Variants in NEMP2 observed in about 807,000 individuals in gnomAD.
NEMP2 encodes the protein UPF0571 transmembrane protein.
Under a neutral mutation model 54.2 loss-of-function variants are expected in NEMP2, and 53 were observed. The observed-to-expected ratio is 0.98, with a 90% CI of 0.78 to 1.23. NEMP2 has a LOEUF of 1.23. Ranked by LOEUF, NEMP2 falls within the 50% of genes most tolerant of loss-of-function variation. The pLI is 0.00. For missense variants in NEMP2, 455 were observed against 511.3 expected, an observed-to-expected ratio of 0.89 and a Z score of 1.06; for synonymous variants, 197 against 190.3, an observed-to-expected ratio of 1.04 and a Z score of -0.29.
the NEMP2 span, among the ~76,000 whole-genome samples, chr2:190,540,597 C>G: frequency 6.6e-6 from 1 of 152,142 alleles, no homozygotes; most frequent in Non-Finnish European, 1.5e-5. Flanking sequence ...ACCCAGCATG[C>G]ATGATCTTTA....
At chr2:190,550,958 T>G in the NEMP2 span, among the ~76,000 whole-genome samples, 1 of 152,216 alleles carries the variant, frequency 6.6e-6, no homozygotes, top group African/African-American at 2.4e-5. This position sits in a 1 kb window ranked among gnomAD's most constrained non-coding sequence, Gnocchi z 4.7. Flanking sequence ...TTGTATTCCT[T>G]GAGTCTCTTT....
the NEMP2 span, among the ~76,000 whole-genome samples, chr2:190,574,463 A>G: frequency 6.6e-6 from 1 of 152,218 alleles, no homozygotes; most frequent in African/African-American, 2.4e-5. Flanking sequence ...TAATGGATTT[A>G]TTGAGATATA....
the NEMP2 span, among the ~76,000 whole-genome samples, chr2:190,460,257 G>C: frequency 6.6e-6 from 1 of 152,092 alleles, no homozygotes; most frequent in Admixed American, 6.6e-5. Flanking sequence ...TTCAACCATA[G>C]CCTATTAATG....
At chr2:190,516,820 G>T (rs1485109954) in intron 5 of NEMP2, among the ~76,000 whole-genome samples, 1 of 152,186 alleles carries the variant, frequency 6.6e-6, no homozygotes, top group African/African-American at 2.4e-5. Flanking sequence ...GCCGGGCACG[G>T]TGGCTCACGC....
the NEMP2 span, among the ~76,000 whole-genome samples, chr2:190,643,023 G>GTTTTTTTTTTTTTTTTTTTTTTTTTTT: frequency 6.3e-5 from 5 of 79,566 alleles, 2 homozygotes; most frequent in Non-Finnish European, 2.3e-5. Flanking sequence ...AATGGTTAAG[G>GTTTTTTTTTTTTTTTTTTTTTTTTTTT]TTTTTTTTTT....
At chr2:190,437,228 A>C in the NEMP2 span, 1 of 1,614,264 alleles carries the variant, frequency 6.2e-7, no homozygotes, top group East Asian at 2.2e-5. This position sits in a 1 kb window ranked among gnomAD's most constrained non-coding sequence, Gnocchi z 5.9. Context: ...AAAAACGATG[A>C]TTCTAAAGGG....
At position 190,510,387 on chromosome 2, in the gene NEMP2, GA is replaced by G; in HGVS notation, c.1103del (p.Val368AlafsTer57). The G allele has an allele frequency of 6.4e-7, 1 of 1,551,682 alleles. No homozygotes were observed. Among genetic ancestry groups the G allele is most frequent in the Non-Finnish European group, 8.7e-7 (1 of 1,147,002 alleles). On this transcript the variant is annotated frameshift_variant, in exon 8 of 9. Coordinates refer to ENST00000409150, the MANE Select transcript of NEMP2 (RefSeq NM_001142645.2). LOFTEE classifies it high-confidence loss of function. This position sits in a 1 kb window ranked among gnomAD's most constrained non-coding sequence, Gnocchi z 5.7. ...TGCTAGGAGTGTGGAGTCTGGAGAC[GA>G]CCAGCCATGAGGGAAAGTCGGGTTT... is the stretch of plus-strand genomic sequence containing the variant. ...CRKPDFPSWL[V>X]VSRLHTPSKF...
At chr2:190,534,085 C>T in intron 1 of NEMP2, 3 of 986,114 alleles carry the variant, frequency 3.0e-6, no homozygotes, top group Non-Finnish European at 3.6e-6. Context: ...ATTTTCGCTC[C>T]GATTCTGAAG....
chr2:190,461,302 G>C, the NEMP2 span, among the ~76,000 whole-genome samples: 1 of 152,134 alleles, frequency 6.6e-6, no homozygotes, highest in Non-Finnish European at 1.5e-5. This position sits in a 1 kb window ranked among gnomAD's most constrained non-coding sequence, Gnocchi z 5.5. Context: ...CATGCACTTG[G>C]AAAAACATTC....
At chr2:190,517,696 G>T in intron 4 of NEMP2, 83 bp from the exon 5 acceptor site, 1 of 959,016 alleles carries the variant, frequency 1.0e-6, no homozygotes, top group Non-Finnish European at 1.6e-6. Context: ...GGCAACATCA[G>T]TCATAAATAA....
At chr2:190,631,619 A>G in the NEMP2 span, among the ~76,000 whole-genome samples, 5 of 152,250 alleles carry the variant, frequency 3.3e-5, no homozygotes, top group Admixed American at 2.6e-4. Context: ...GAATATTTGG[A>G]TAATATAGAT....
the NEMP2 span, among the ~76,000 whole-genome samples, chr2:190,642,429 A>T: frequency 1.3e-5 from 2 of 152,182 alleles, no homozygotes; most frequent in African/African-American, 4.8e-5. This position sits in a 1 kb window ranked among gnomAD's most constrained non-coding sequence, Gnocchi z 4.1. Context: ...AATAAAATAC[A>T]ATGGATAAAG....
the NEMP2 span, among the ~76,000 whole-genome samples, chr2:190,441,507 A>T: frequency 3.9e-5 from 6 of 151,972 alleles, no homozygotes; most frequent in African/African-American, 1.5e-4. Flanking sequence ...AAAGCAGGGC[A>T]TTTATATTTC....
Position 190,514,435 on chromosome 2 carries a change from G to GA in NEMP2, c.953+17dup. The GA allele has an allele frequency of 2.6e-6, 4 of 1,544,358 alleles. No individual in the cohort carries two copies. The highest frequency in any genetic ancestry group is 3.5e-6 in the Non-Finnish European group (4 of 1,141,968). Reference sequence around the variant, plus strand: ...GCTCAAAATGTCAAATTTGCTGGGGGAAAAAAATGATACATACCACCTCAT... The same window carrying GA: ...GCTCAAAATGTCAAATTTGCTGGGGGAAAAAAAATGATACATACCACCTCAT... On this transcript the variant is annotated intron_variant, in intron 7 of 8. Transcript: ENST00000409150. The surrounding 1 kb of genome is among the most constrained non-coding windows in gnomAD (Gnocchi z 5.7).
the NEMP2 span, among the ~76,000 whole-genome samples, chr2:190,548,535 G>A: frequency 2.0e-5 from 3 of 152,112 alleles, no homozygotes; most frequent in Non-Finnish European, 4.4e-5. Flanking sequence ...CCTGATTCTT[G>A]CCTTTTCCTA....
At chr2:190,489,754 G>A in the NEMP2 span, 32 of 1,611,930 alleles carry the variant, frequency 2.0e-5, no homozygotes, top group South Asian at 7.7e-5. This position sits in a 1 kb window ranked among gnomAD's most constrained non-coding sequence, Gnocchi z 6.6. Context: ...ATAGAGTGCT[G>A]TTTGTTTTTA....
At chr2:190,648,518 T>TGTTG in the NEMP2 span, 7 of 101,818 alleles carry the variant, frequency 6.9e-5, no homozygotes, top group Non-Finnish European at 9.0e-5. Flanking sequence ...GCGCTGTTGT[T>TGTTG]TTTTTTTTTT....
the NEMP2 span, among the ~76,000 whole-genome samples, chr2:190,460,325 CT>C: frequency 6.6e-6 from 1 of 152,138 alleles, no homozygotes; most frequent in Non-Finnish European, 1.5e-5. Flanking sequence ...TTCTAGGCCT[CT>C]TTTTTAAGTC....
intron 5 of NEMP2, 103 bp downstream of exon 5, chr2:190,517,417 T>C (rs1489032571): frequency 1.2e-6 from 1 of 806,658 alleles, no homozygotes; most frequent in African/African-American, 1.8e-5. Flanking sequence ...AGAAACATAA[T>C]TTAAATTAGA....
Sources: allele counts gnomAD v4.1 joint callset (sites outside exome capture counted in the v4.1 genomes callset), GRCh38; gene constraint gnomAD v4.1.1; non-coding constraint Gnocchi (gnomAD v3.1); transcripts MANE v1.5; gene names NCBI Gene and HGNC (gene_info 2026-07-23, HGNC 2026-07-21).